NPAS2: variants seen among roughly 807,000 people sequenced by gnomAD.
NPAS2 encodes the protein neuronal PAS domain-containing protein 2.
In NPAS2, 23 loss-of-function variants were observed where a neutral mutation model predicts 107.5. The observed-to-expected ratio is 0.21, with a 90% CI of 0.15 to 0.30. NPAS2 has a LOEUF of 0.30. Among genes scored for constraint, NPAS2 ranks in the 10% least tolerant of loss-of-function variants. NPAS2 has a pLI of 1.00. For missense variants in NPAS2, 756 were observed against 1,043.3 expected (o/e 0.72, Z 3.79); for synonymous variants, 403 against 417.5 (o/e 0.97, Z 0.42).
At chr2:100,987,386 C>T (rs981000906) in intron 16 of NPAS2, 3 of 152,222 alleles carry the variant, frequency 2.0e-5, no homozygotes, top group Non-Finnish European at 4.4e-5. Context: ...CCTTAGGTAA[C>T]AAAACACAGA....
intron 7 of NPAS2, chr2:100,962,764 C>G (rs1165027832): frequency 6.6e-6 from 1 of 152,264 alleles, no homozygotes; most frequent in African/African-American, 2.4e-5. Context: ...GAAGGTCAGT[C>G]CGTTCTCCAC....
At chr2:100,829,259 A>T (rs1339166978) in intron 1 of NPAS2, among the ~76,000 whole-genome samples, 2 of 150,408 alleles carry the variant, frequency 1.3e-5, no homozygotes, top group African/African-American at 4.9e-5. Flanking sequence ...ATCTCAGCTC[A>T]CTACAACCTC....
intron 1 of NPAS2, among the ~76,000 whole-genome samples, chr2:100,856,498 G>A (rs1162691860): frequency 2.0e-5 from 3 of 152,188 alleles, no homozygotes; most frequent in South Asian, 2.1e-4. Flanking sequence ...AGATCTAATT[G>A]GAAGTAAATT....
At chr2:100,944,880 C>T (rs1370919807) in intron 5 of NPAS2, among the ~76,000 whole-genome samples, 1 of 152,300 alleles carries the variant, frequency 6.6e-6, no homozygotes, top group African/African-American at 2.4e-5. Flanking sequence ...CCCGGCCAGG[C>T]AGCCACTCAG....
chr2:100,981,777 C>T (rs144571044), intron 15 of NPAS2, among the ~76,000 whole-genome samples: 7 of 152,208 alleles, frequency 4.6e-5, no homozygotes, highest in East Asian at 1.9e-4. Flanking sequence ...ACGACCGGAC[C>T]CAAAAATGCC....
At chr2:100,988,957 GCCCCCTGCTCCTCCAGGC>G (rs199773245) in intron 17 of NPAS2, 71,789 of 150,168 alleles carry the variant, frequency 0.48, 15,592 homozygotes, top group Middle Eastern at 0.61. Context: ...TCCTCCAGGC[GCCCCCTGCTCCTCCAGGC>G]CCCCCTGCTC....
chr2:100,874,558 A>G (rs1000255406), intron 1 of NPAS2, among the ~76,000 whole-genome samples: 13 of 152,048 alleles, frequency 8.5e-5, no homozygotes, highest in African/African-American at 3.1e-4. Flanking sequence ...CCTGACCAGC[A>G]TGGTGAAACC....
chr2:100,946,628 C>T (rs527370730), intron 5 of NPAS2, among the ~76,000 whole-genome samples: 5 of 152,246 alleles, frequency 3.3e-5, no homozygotes, highest in African/African-American at 9.6e-5. Context: ...CTGGAGCAGT[C>T]GGAAGCCAAG....
chr2:100,967,925 C>T (rs1250836518), intron 10 of NPAS2, among the ~76,000 whole-genome samples: 2 of 152,206 alleles, frequency 1.3e-5, no homozygotes, highest in Non-Finnish European at 2.9e-5. Context: ...CTCTCCTGGG[C>T]TCCTGCAGCT....
At chr2:100,942,967 A>G (rs1458494470) in intron 5 of NPAS2, among the ~76,000 whole-genome samples, 1 of 152,150 alleles carries the variant, frequency 6.6e-6, no homozygotes, top group East Asian at 1.9e-4. Context: ...AATGTGCTGC[A>G]ATTCCTGCAT....
intron 1 of NPAS2, among the ~76,000 whole-genome samples, chr2:100,851,455 A>T (rs1259345538): frequency 6.6e-6 from 1 of 152,228 alleles, no homozygotes; most frequent in Non-Finnish European, 1.5e-5. Context: ...GAATGCCGTC[A>T]TTCTGCTTCG....
At chr2:100,865,061 A>C (rs1679171551) in intron 1 of NPAS2, among the ~76,000 whole-genome samples, 1 of 152,192 alleles carries the variant, frequency 6.6e-6, no homozygotes, top group Non-Finnish European at 1.5e-5. Context: ...TCCACTGTAC[A>C]TTTGTGAGAA....
chr2:100,953,375 T>TAAAA (rs770159746), intron 7 of NPAS2, among the ~76,000 whole-genome samples: 17 of 87,890 alleles, frequency 1.9e-4, no homozygotes, highest in Middle Eastern at 7.5e-3. Flanking sequence ...CTCCATCTCA[T>TAAAA]AAAAAAAAAA....
chr2:100,993,281 TG>T, intron 19 of NPAS2, 65 bp from the exon 20 acceptor site: 1 of 1,408,154 alleles, frequency 7.1e-7, no homozygotes, highest in Non-Finnish European at 9.5e-7. Flanking sequence ...TTGTTGCTCG[TG>T]CTTTTGGTGT....
intron 1 of NPAS2, chr2:100,878,005 G>A: frequency 1.0e-6 from 1 of 985,412 alleles, no homozygotes; most frequent in Non-Finnish European, 1.2e-6. Flanking sequence ...TCAGTTACGT[G>A]TGGTATAGCT....
intron 1 of NPAS2, among the ~76,000 whole-genome samples, chr2:100,853,426 A>G (rs902307798): frequency 6.6e-6 from 1 of 152,236 alleles, no homozygotes; most frequent in Non-Finnish European, 1.5e-5. Context: ...CCAGTGTCCT[A>G]AGTGGCTGTT....
intron 7 of NPAS2, among the ~76,000 whole-genome samples, chr2:100,953,020 A>AT (rs1675330573): frequency 6.6e-6 from 1 of 150,948 alleles, no homozygotes; most frequent in Non-Finnish European, 1.5e-5. Flanking sequence ...AGTACGTGAA[A>AT]TATCATTCTA....
chr2:100,928,369 C>T (rs1683711933), intron 3 of NPAS2, among the ~76,000 whole-genome samples: 1 of 150,428 alleles, frequency 6.6e-6, no homozygotes, highest in Non-Finnish European at 1.5e-5. Flanking sequence ...GTGCAAATTA[C>T]TCAAACTAGG....
At chr2:100,967,237 CTTTTTTTTTTTTT>C (rs58558247) in intron 10 of NPAS2, among the ~76,000 whole-genome samples, 1 of 100,548 alleles carries the variant, frequency 9.9e-6, no homozygotes, top group Non-Finnish European at 2.0e-5. Flanking sequence ...AGTCAGTGTC[CTTTTTTTTTTTTT>C]TTTTTTTTTT....
Sources: allele counts gnomAD v4.1 joint callset (sites outside exome capture counted in the v4.1 genomes callset), GRCh38; gene constraint gnomAD v4.1.1; transcripts MANE v1.5; gene names NCBI Gene and HGNC (gene_info 2026-07-23, HGNC 2026-07-21).